The following ANKS1B variants were observed in gnomAD, a reference collection of about 807,000 sequenced individuals.
ANKS1B encodes ankyrin repeat and sterile alpha motif domain-containing protein 1B.
Under a neutral mutation model 148.3 loss-of-function variants are expected in ANKS1B, and 36 were observed. That is an observed-to-expected ratio of 0.24 (90% CI 0.19 to 0.32). The LOEUF is 0.32. Among genes scored for constraint, ANKS1B ranks in the 10% least tolerant of loss-of-function variants. The pLI is 1.00. For synonymous variants in ANKS1B, 542 were observed against 560.8 expected (o/e 0.97, Z 0.47); for missense variants, 1,157 against 1,542.6 (o/e 0.75, Z 4.19).
At chr12:99,432,653 G>A (rs1446710185) in intron 11 of ANKS1B, among the ~76,000 whole-genome samples, 1 of 152,068 alleles carries the variant, frequency 6.6e-6, no homozygotes, top group Non-Finnish European at 1.5e-5. Context: ...AGAATAAAGT[G>A]GTAGCTACTT....
chr12:98,764,084 G>C (rs913533388), intron 25 of ANKS1B, among the ~76,000 whole-genome samples: 30 of 152,236 alleles, frequency 2.0e-4, no homozygotes, highest in African/African-American at 7.2e-4. Context: ...GCCTGCCTGG[G>C]AGGAAGAAAC....
At chr12:99,063,660 G>A (rs1000431118) in intron 16 of ANKS1B, among the ~76,000 whole-genome samples, 1 of 152,182 alleles carries the variant, frequency 6.6e-6, no homozygotes, top group African/African-American at 2.4e-5. Context: ...AATGATGTGG[G>A]ACTTTAAAGA....
intron 4 of ANKS1B, among the ~76,000 whole-genome samples, chr12:99,800,872 C>A (rs949957126): frequency 1.3e-5 from 2 of 151,976 alleles, no homozygotes; most frequent in Admixed American, 1.3e-4. Flanking sequence ...GATATTGGAA[C>A]TCAAGAGATT....
intron 17 of ANKS1B, among the ~76,000 whole-genome samples, chr12:99,023,376 T>A (rs2099946937): frequency 6.6e-6 from 1 of 152,146 alleles, no homozygotes; most frequent in Admixed American, 6.6e-5. Flanking sequence ...TTCATTCTTA[T>A]TCTTGAATTT....
intron 13 of ANKS1B, 62 bp from the exon 14 acceptor site, chr12:99,244,476 A>C: frequency 8.6e-7 from 1 of 1,160,000 alleles, no homozygotes; most frequent in Non-Finnish European, 1.2e-6. Flanking sequence ...TGTATTTTAA[A>C]ATAAGTTTCA....
At chr12:98,743,010 A>T (rs182497710), downstream of ANKS1B, among the ~76,000 whole-genome samples, 1,176 of 152,208 alleles carry the variant, frequency 7.7e-3, 17 homozygotes, top group African/African-American at 0.026. Context: ...TATTTTTTTT[A>T]AAAAAAGTCT....
chr12:99,120,770 C>T (rs75247162), intron 15 of ANKS1B, among the ~76,000 whole-genome samples: 7,855 of 152,134 alleles, frequency 0.052, 441 homozygotes, highest in African/African-American at 0.13. Flanking sequence ...TTGGGAAGAG[C>T]AGTGGATTTG....
intron 11 of ANKS1B, among the ~76,000 whole-genome samples, chr12:99,423,335 C>G (rs2095152116): frequency 6.6e-6 from 1 of 152,082 alleles, no homozygotes. Flanking sequence ...CAAAAAATAA[C>G]AGATGTTGGC....
chr12:99,186,374 T>C (rs2079857293), intron 14 of ANKS1B, among the ~76,000 whole-genome samples: 1 of 152,114 alleles, frequency 6.6e-6, no homozygotes, highest in South Asian at 2.1e-4. Context: ...TCCCGGCACA[T>C]TGATTGAGCT....
At chr12:99,881,399 C>T (rs1298704415) in intron 1 of ANKS1B, among the ~76,000 whole-genome samples, 1 of 152,162 alleles carries the variant, frequency 6.6e-6, no homozygotes, top group Non-Finnish European at 1.5e-5. Flanking sequence ...GTGTAGTCCA[C>T]AAGAGAGAGG....
intron 17 of ANKS1B, among the ~76,000 whole-genome samples, chr12:99,010,922 T>A (rs1202622075): frequency 2.0e-5 from 3 of 148,066 alleles, no homozygotes; most frequent in East Asian, 2.0e-4. Context: ...TTTTTTTTTT[T>A]AATAGAAACA....
intron 17 of ANKS1B, among the ~76,000 whole-genome samples, chr12:98,833,470 T>A (rs61933597): frequency 0.043 from 6,568 of 152,270 alleles, 263 homozygotes; most frequent in African/African-American, 0.12. Context: ...TCTTGTTGGG[T>A]AACTAGTTTC....
intron 17 of ANKS1B, among the ~76,000 whole-genome samples, chr12:98,946,878 G>A (rs1194916459): frequency 1.4e-5 from 2 of 147,168 alleles, no homozygotes; most frequent in African/African-American, 5.0e-5. Context: ...AGTTCGAGAC[G>A]GCAGTGAGCT....
At chr12:99,278,020 T>C (rs548153539) in intron 12 of ANKS1B, among the ~76,000 whole-genome samples, 3 of 152,308 alleles carry the variant, frequency 2.0e-5, no homozygotes, top group South Asian at 2.1e-4. Flanking sequence ...TTTTAAGAGA[T>C]AAAAGATAAA....
intron 5 of ANKS1B, 99 bp from the exon 6 acceptor site, chr12:99,780,071 C>G: frequency 1.2e-6 from 1 of 849,108 alleles, no homozygotes; most frequent in Non-Finnish European, 1.9e-6. Flanking sequence ...ATATACAGAC[C>G]AAGCATTGAA....
At chr12:99,318,745 T>A (rs1328925397) in intron 12 of ANKS1B, among the ~76,000 whole-genome samples, 1 of 152,184 alleles carries the variant, frequency 6.6e-6, no homozygotes. Context: ...CTTCTCTAGT[T>A]CTTTTAATTG....
chr12:99,140,814 T>G (rs2070441520), intron 15 of ANKS1B, among the ~76,000 whole-genome samples: 2 of 152,174 alleles, frequency 1.3e-5, no homozygotes, highest in Non-Finnish European at 1.5e-5. Flanking sequence ...AGCATGGCCC[T>G]GTAATCCTAC....
At chr12:99,663,883 C>T (rs541989324) in intron 8 of ANKS1B, among the ~76,000 whole-genome samples, 1 of 152,250 alleles carries the variant, frequency 6.6e-6, no homozygotes, top group East Asian at 1.9e-4. Context: ...TATGTTCCTG[C>T]CTGCTGTTTA....
At chr12:98,738,906 C>G (rs937106587) in intron 9 of ANKS1B, among the ~76,000 whole-genome samples, 2 of 152,196 alleles carry the variant, frequency 1.3e-5, no homozygotes, top group African/African-American at 4.8e-5. Flanking sequence ...GCCCTACTTG[C>G]TGTCAATTAA....
Sources: gnomAD v4.1 joint callset for allele counts (sites outside exome capture counted in the v4.1 genomes callset) on GRCh38, gnomAD v4.1.1 for gene constraint, MANE v1.5 for transcripts, NCBI Gene and HGNC (gene_info 2026-07-23, HGNC 2026-07-21) for gene names.